MPZL1: variants seen among roughly 807,000 people sequenced by gnomAD.
The protein encoded by MPZL1 is myelin protein zero like 1, also known as myelin protein zero-like protein 1.
A neutral mutation model predicts 29.3 loss-of-function variants in MPZL1; 16 were observed. That is an observed-to-expected ratio of 0.55 (90% CI 0.37 to 0.83). The LOEUF is 0.83. Ranked by LOEUF, MPZL1 falls within the 40% of genes least tolerant of loss-of-function variation. The pLI is 0.00. For missense variants in MPZL1, 279 were observed against 332.9 expected, an observed-to-expected ratio of 0.84 and a Z score of 1.26; for synonymous variants, 143 against 132.0, an observed-to-expected ratio of 1.08 and a Z score of -0.57.
At chr1:167,750,831 G>A (rs543620568) in intron 1 of MPZL1, among the ~76,000 whole-genome samples, 1 of 152,098 alleles carries the variant, frequency 6.6e-6, no homozygotes, top group African/African-American at 2.4e-5. Context: ...GATTCACTTA[G>A]CCATCATGTC....
In MPZL1 at chr1:167,788,914, G is replaced by C. The variant is rs982354436; in HGVS notation, c.*993G>C. The C allele has an allele frequency of 1.4e-5, 2 of 139,162 alleles. No homozygotes were observed. Among genetic ancestry groups the C allele is most frequent in the African/African-American group, 2.7e-5 (1 of 37,104 alleles). 8.6% of individuals were successfully genotyped at this position (139,162 alleles called of 1,614,324 possible). A position where few individuals can be genotyped will look rare whatever the true frequency, so the allele number is the denominator to read the frequency against. On this transcript the variant is annotated 3_prime_UTR_variant, in exon 6 of 6. Transcript: ENST00000359523. ...TTTTTTTGAGGTAGAGTCTCACTAT[G>C]TTGCCCAGACTAGCCTTGAACTCTT... is the stretch of plus-strand genomic sequence containing the variant.
intron 4 of MPZL1, 79 bp from the exon 5 acceptor site, chr1:167,775,985 T>C: frequency 1.1e-6 from 1 of 948,176 alleles, no homozygotes; most frequent in Non-Finnish European, 1.5e-6. Context: ...TTGCCGTCAG[T>C]TGCATTTCTA....
In MPZL1 at chr1:167,722,256, G is replaced by A. The variant is rs533288058; in HGVS notation, c.91+14G>A. 1.1e-5 allele frequency: 13 copies of A among 1,238,046 alleles called. No homozygotes were observed. The East Asian group carries it at 3.8e-4, about 36-fold the overall frequency. The allele number at this position is 1,238,046 out of a possible 1,614,324, so 76.7% of individuals were successfully genotyped here. On this transcript the variant is annotated intron_variant, in intron 1 of 5. Transcript: ENST00000359523. ...CGCTTGGGCTCTGTAAGTGATGCCA[G>A]GACCAGGGCTGGGGCCGGGGAGTGG...
intron 1 of MPZL1, among the ~76,000 whole-genome samples, chr1:167,730,330 G>T (rs1009127074): frequency 3.3e-5 from 5 of 151,664 alleles, no homozygotes; most frequent in African/African-American, 1.2e-4. Context: ...CCAGGCTGGA[G>T]TGCAGTGGCA....
intron 1 of MPZL1, among the ~76,000 whole-genome samples, chr1:167,739,280 T>TATATATACATATATATATATATATAC (rs1365578710): frequency 2.2e-5 from 2 of 92,544 alleles, no homozygotes; most frequent in African/African-American, 1.1e-4. Context: ...TATACATATA[T>TATATATACATATATATATATATATAC]ACATATATAT....
chr1:167,734,636 C>T (rs79468622), intron 1 of MPZL1, among the ~76,000 whole-genome samples: 7,770 of 152,150 alleles, frequency 0.051, 651 homozygotes, highest in African/African-American at 0.18. Flanking sequence ...ACATTTTGTA[C>T]CTCACCTTTA....
In MPZL1 at chr1:167,791,146, C is replaced by T. The variant is rs1016683555; in HGVS notation, c.*3225C>T. 6.6e-6 allele frequency: 1 copy of T among 152,262 alleles called. No homozygotes were observed. Among genetic ancestry groups the T allele is most frequent in the Non-Finnish European group, 1.5e-5 (1 of 68,084 alleles). The allele number at this position is 152,262 out of a possible 1,614,324, so 9.4% of individuals were successfully genotyped here. Reference sequence around the variant, plus strand: ...TGCTCTAGTTACTCTATTTCTCTCCCTCTTTCCCAGTACACACTTGTCTGT... The same window carrying T: ...TGCTCTAGTTACTCTATTTCTCTCCTTCTTTCCCAGTACACACTTGTCTGT... On this transcript the variant is annotated 3_prime_UTR_variant, in exon 6 of 6. Coordinates refer to ENST00000359523, the MANE Select transcript of MPZL1 (RefSeq NM_003953.6).
At chr1:167,756,278 A>C (rs773003903) in intron 1 of MPZL1, among the ~76,000 whole-genome samples, 10 of 152,044 alleles carry the variant, frequency 6.6e-5, no homozygotes, top group Non-Finnish European at 1.2e-4. Context: ...CCCCCTGAGT[A>C]GCTGAGATCA....
At chr1:167,734,124 T>C (rs6427102) in intron 1 of MPZL1, among the ~76,000 whole-genome samples, 119,981 of 151,558 alleles carry the variant, frequency 0.79, 48,502 homozygotes, top group African/African-American at 0.95. Context: ...GGCATGGTGG[T>C]GGGCACCTGT....
At chr1:167,761,461 A>G (rs1660986887) in intron 1 of MPZL1, among the ~76,000 whole-genome samples, 1 of 152,152 alleles carries the variant, frequency 6.6e-6, no homozygotes. Flanking sequence ...GTGCAGGGAA[A>G]GCAGAATGGG....
chr1:167,745,244 T>G (rs1479522989), intron 1 of MPZL1, among the ~76,000 whole-genome samples: 1 of 152,130 alleles, frequency 6.6e-6, no homozygotes, highest in South Asian at 2.1e-4. Context: ...GGGGTACAGC[T>G]TGAAAGCTCT....
intron 1 of MPZL1, among the ~76,000 whole-genome samples, chr1:167,724,587 G>A (rs144561553): frequency 6.6e-6 from 1 of 152,318 alleles, no homozygotes; most frequent in African/African-American, 2.4e-5. Flanking sequence ...TGGATAAAAT[G>A]ATCATAGGTT....
chr1:167,741,187 T>TC (rs1660515187), intron 1 of MPZL1, among the ~76,000 whole-genome samples: 1 of 149,988 alleles, frequency 6.7e-6, no homozygotes, highest in South Asian at 2.1e-4. Context: ...TGGCTAATTT[T>TC]TTTTTTTTTT....
At chr1:167,787,380 T>TA (rs1318198131) in intron 5 of MPZL1, 4 of 154,728 alleles carry the variant, frequency 2.6e-5, no homozygotes, top group Admixed American at 1.9e-4. Context: ...TGGCACCAAA[T>TA]ATGTTGGTTT....
At chr1:167,766,896 A>G (rs1218294606) in intron 2 of MPZL1, among the ~76,000 whole-genome samples, 1 of 152,208 alleles carries the variant, frequency 6.6e-6, no homozygotes, top group Non-Finnish European at 1.5e-5. Context: ...TTACGGCCTC[A>G]TAGGTTTTAG....
intron 5 of MPZL1, among the ~76,000 whole-genome samples, chr1:167,786,896 TTTG>T (rs1226248378): frequency 6.6e-6 from 1 of 152,172 alleles, no homozygotes; most frequent in Non-Finnish European, 1.5e-5. Flanking sequence ...CCAGGGCTAT[TTTG>T]TTGTTGTTTA....
chr1:167,783,892 A>G (rs1661541541), intron 5 of MPZL1, among the ~76,000 whole-genome samples: 1 of 152,262 alleles, frequency 6.6e-6, no homozygotes, highest in African/African-American at 2.4e-5. Flanking sequence ...TCAGTAGTCA[A>G]TGAGCACATG....
intron 1 of MPZL1, among the ~76,000 whole-genome samples, chr1:167,746,588 G>T (rs1387801003): frequency 1.3e-5 from 2 of 152,186 alleles, no homozygotes; most frequent in East Asian, 1.9e-4. Flanking sequence ...TACCAAGGGG[G>T]TGCTATTTCC....
At chr1:167,751,954 T>TTGTGTG (rs1553254959) in intron 1 of MPZL1, among the ~76,000 whole-genome samples, 3 of 152,224 alleles carry the variant, frequency 2.0e-5, no homozygotes, top group Non-Finnish European at 4.4e-5. Flanking sequence ...CCTCCCTTTT[T>TTGTGTG]TGTGTATCTT....
Sources: allele counts gnomAD v4.1 joint callset (sites outside exome capture counted in the v4.1 genomes callset), GRCh38; gene constraint gnomAD v4.1.1; transcripts MANE v1.5; gene names NCBI Gene and HGNC (gene_info 2026-07-23, HGNC 2026-07-21).